Variants in FGF14 observed in about 807,000 individuals in gnomAD.
FGF14 encodes the protein fibroblast growth factor homologous factor 4.
In FGF14, 5 loss-of-function variants were observed where a neutral mutation model predicts 25.5. That is an observed-to-expected ratio of 0.20 (90% CI 0.10 to 0.41). The LOEUF is 0.41. Ranked by LOEUF, FGF14 falls within the 10% of genes least tolerant of loss-of-function variation. The pLI is 1.00. For missense variants in FGF14, 222 were observed against 320.1 expected, an observed-to-expected ratio of 0.69 and a Z score of 2.34; for synonymous variants, 138 against 118.3, an observed-to-expected ratio of 1.17 and a Z score of -1.08.
intron 1 of FGF14, among the ~76,000 whole-genome samples, chr13:102,294,580 C>T (rs1205155194): frequency 6.6e-6 from 1 of 152,206 alleles, no homozygotes; most frequent in Admixed American, 6.5e-5. Context: ...GTGGCATCCA[C>T]TTGGCTTGAA....
chr13:101,956,214 T>C (rs1046580830), intron 1 of FGF14, among the ~76,000 whole-genome samples: 3 of 152,194 alleles, frequency 2.0e-5, no homozygotes, highest in Non-Finnish European at 4.4e-5. Context: ...GGTTCACATA[T>C]TCATGTGATA....
chr13:102,121,342 C>G (rs533533501), intron 1 of FGF14, among the ~76,000 whole-genome samples: 193 of 152,168 alleles, frequency 1.3e-3, no homozygotes, highest in Non-Finnish European at 2.0e-3. Flanking sequence ...GCCCAAGGGA[C>G]CATACTCTTC....
rs147964225 is a variant in FGF14 at position 102,396,897 on chromosome 13, C to T, written c.208+4574G>A. ...CTGCTCTACAAAACCCATTTTGTTA[C>T]CTCAGTAAATAAGCTTCCTGGATGG... On this transcript the variant is annotated intron_variant, in intron 1 of 4. Transcript: ENST00000376131. 2.5e-3 allele frequency among the ~76,000 whole-genome samples: 376 copies of T among 152,330 alleles called. 1 individual carries two copies. The highest frequency in any genetic ancestry group is 8.5e-3 in the African/African-American group (353 of 41,578).
rs1460744461 is a variant in FGF14, at chr13:102,006,026, C to T, written c.209-130730G>A. 2.0e-5 allele frequency among the ~76,000 whole-genome samples: 3 copies of T among 152,170 alleles called. No individual in the cohort carries two copies. The East Asian group carries it at 5.8e-4, about 29-fold the overall frequency. ...GTGTACATGAGCTGAAATTACTTCTCCAGTTGTCTATCTACCCTCAATTTA... is the reference window on the plus strand; with the variant it reads ...GTGTACATGAGCTGAAATTACTTCTTCAGTTGTCTATCTACCCTCAATTTA... On this transcript the variant is annotated intron_variant, in intron 1 of 4. Transcript: ENST00000376131.
intron 3 of FGF14, among the ~76,000 whole-genome samples, chr13:101,772,713 T>A (rs1448676077): frequency 6.6e-6 from 1 of 152,116 alleles, no homozygotes; most frequent in East Asian, 1.9e-4. Context: ...TCCCACAAAT[T>A]CTTCAAGTTC....
chr13:102,338,443 C>T (rs536521394), intron 1 of FGF14, among the ~76,000 whole-genome samples: 12 of 152,078 alleles, frequency 7.9e-5, no homozygotes, highest in Non-Finnish European at 1.2e-4. Context: ...CATTTGGGGA[C>T]CCCCAACCAA....
intron 1 of FGF14, among the ~76,000 whole-genome samples, chr13:102,228,214 GT>G (rs1253101725): frequency 2.0e-5 from 3 of 152,156 alleles, no homozygotes; most frequent in African/African-American, 7.2e-5. Context: ...CCTCAGGTAT[GT>G]TGGACAGTTT....
chr13:102,216,581 T>C (rs1239001519), intron 1 of FGF14, among the ~76,000 whole-genome samples: 3 of 152,352 alleles, frequency 2.0e-5, no homozygotes, highest in Admixed American at 1.3e-4. Context: ...AACATGATGT[T>C]TTGATACATG....
At chr13:101,782,848 T>C (rs1446886861) in intron 3 of FGF14, among the ~76,000 whole-genome samples, 1 of 152,192 alleles carries the variant, frequency 6.6e-6, no homozygotes, top group Non-Finnish European at 1.5e-5. Context: ...GCAATGAATA[T>C]ACACTTGCAT....
intron 1 of FGF14, among the ~76,000 whole-genome samples, chr13:102,055,866 G>A (rs564164397): frequency 2.1e-4 from 32 of 152,168 alleles, no homozygotes; most frequent in Non-Finnish European, 2.4e-4. Context: ...TGGCTGGGGA[G>A]GCCTCACAAT....
At chr13:101,971,141 T>C (rs2037563532) in intron 1 of FGF14, among the ~76,000 whole-genome samples, 1 of 152,166 alleles carries the variant, frequency 6.6e-6, no homozygotes, top group South Asian at 2.1e-4. Flanking sequence ...TAACAAAATA[T>C]AGATTTTATA....
intron 1 of FGF14, among the ~76,000 whole-genome samples, chr13:102,246,238 G>C (rs1336723): frequency 0.34 from 51,294 of 151,840 alleles, 9,012 homozygotes; most frequent in Admixed American, 0.44. Flanking sequence ...CTCAATATGA[G>C]AATTGATAAA....
rs185719192 is a variant in FGF14 at position 102,150,615 on chromosome 13, G to C, written c.208+250856C>G. Among the ~76,000 whole-genome samples, 40 of 152,312 alleles carry C rather than the reference G, an allele frequency of 2.6e-4. 1 individual carries two copies. The highest frequency in any genetic ancestry group is 2.4e-3 in the Admixed American group (36 of 15,306). On this transcript the variant is annotated intron_variant, in intron 1 of 4. Transcript: ENST00000376131. ...AAAGATAAGGAAGATAAGGACCAAA[G>C]GGTGAAGGCAGAGGTTTTTCTCATT... is the stretch of plus-strand genomic sequence containing the variant.
chr13:102,306,881 C>T (rs771860620), intron 1 of FGF14, among the ~76,000 whole-genome samples: 62 of 152,172 alleles, frequency 4.1e-4, no homozygotes, highest in African/African-American at 1.2e-3. Flanking sequence ...AATACGTCCA[C>T]GTCCTAATTT....
intron 3 of FGF14, among the ~76,000 whole-genome samples, chr13:101,849,848 C>G (rs996025263): frequency 6.6e-6 from 1 of 152,052 alleles, no homozygotes; most frequent in East Asian, 1.9e-4. Context: ...CCCTAATTAA[C>G]TGAGTGAACT....
intron 1 of FGF14, among the ~76,000 whole-genome samples, chr13:102,085,517 AGAATAAACAGTG>A (rs574568508): frequency 4.8e-4 from 73 of 152,362 alleles, no homozygotes; most frequent in African/African-American, 1.6e-3. Flanking sequence ...AATTATTAAG[AGAATAAACAGTG>A]GAATAAACAG....
At chr13:102,121,630 A>G (rs145778730) in intron 1 of FGF14, among the ~76,000 whole-genome samples, 1 of 152,306 alleles carries the variant, frequency 6.6e-6, no homozygotes, top group African/African-American at 2.4e-5. Flanking sequence ...TACTTATATT[A>G]ATTTATACAC....
At chr13:102,309,219 G>A (rs1456398474) in intron 1 of FGF14, among the ~76,000 whole-genome samples, 1 of 151,192 alleles carries the variant, frequency 6.6e-6, no homozygotes, top group Non-Finnish European at 1.5e-5. Context: ...GTGGAGCACT[G>A]AGCCGATCAA....
intron 1 of FGF14, among the ~76,000 whole-genome samples, chr13:102,223,494 G>T (rs534279984): frequency 1.3e-5 from 2 of 152,076 alleles, no homozygotes; most frequent in Non-Finnish European, 2.9e-5. Context: ...ATTTTGTTAG[G>T]CTCCCTCTTA....
Sources: allele counts gnomAD v4.1 joint callset (sites outside exome capture counted in the v4.1 genomes callset), GRCh38; gene constraint gnomAD v4.1.1; transcripts MANE v1.5; gene names NCBI Gene and HGNC (gene_info 2026-07-23, HGNC 2026-07-21).